The following CTNNA3 variants were observed in gnomAD, a reference collection of about 807,000 sequenced individuals.
CTNNA3 encodes the protein catenin alpha-3.
Under a neutral mutation model 95.7 loss-of-function variants are expected in CTNNA3, and 76 were observed. That is an observed-to-expected ratio of 0.79 (90% CI 0.66 to 0.96). CTNNA3 has a LOEUF of 0.96. Ranked by LOEUF, CTNNA3 falls within the 40% of genes least tolerant of loss-of-function variation. The pLI, the probability that CTNNA3 is intolerant of heterozygous loss-of-function variation, is 0.00. For synonymous variants in CTNNA3, 431 were observed against 374.4 expected, an observed-to-expected ratio of 1.15 and a Z score of -1.74; for missense variants, 1,191 against 1,089.8, an observed-to-expected ratio of 1.09 and a Z score of -1.31.
At chr10:66,354,902 G>A (rs2092597103) in intron 12 of CTNNA3, among the ~76,000 whole-genome samples, 1 of 152,060 alleles carries the variant, frequency 6.6e-6, no homozygotes, top group Non-Finnish European at 1.5e-5. Flanking sequence ...GTATAAAAAT[G>A]TTAGTTCTAG....
At chr10:66,522,106 T>A (rs80304141) in intron 10 of CTNNA3, among the ~76,000 whole-genome samples, 4 of 152,162 alleles carry the variant, frequency 2.6e-5, no homozygotes, top group Non-Finnish European at 5.9e-5. Context: ...AATATTTTTT[T>A]AATCACAAAT....
Position 66,144,581 on chromosome 10 carries a change from G to A in CTNNA3, c.1885-41332C>T, listed in dbSNP as rs138988424. ...CCGCTCACTGCAACCTCTGCTTCCC[G>A]GGTTCAAGTGATTCTCCTGCTTCAG... On this transcript the variant is annotated intron_variant, in intron 13 of 17. Transcript: ENST00000433211. 2.0e-3 allele frequency among the ~76,000 whole-genome samples: 307 copies of A among 152,004 alleles called. 1 individual carries two copies. Among genetic ancestry groups the A allele is most frequent in the African/African-American group, 6.5e-3 (270 of 41,472 alleles).
intron 1 of CTNNA3, among the ~76,000 whole-genome samples, chr10:67,682,158 CAAA>C (rs1042799163): frequency 6.8e-5 from 7 of 103,694 alleles, no homozygotes; most frequent in Admixed American, 2.0e-4. Flanking sequence ...AACCCCGTCT[CAAA>C]AAAAAAAAAA....
intron 11 of CTNNA3, among the ~76,000 whole-genome samples, chr10:66,425,325 T>C (rs1347468883): frequency 6.6e-6 from 1 of 151,976 alleles, no homozygotes. Flanking sequence ...TGAGTATGAT[T>C]ATTGAACATA....
chr10:66,525,068 A>AAAAGG (rs1841204910), intron 10 of CTNNA3, among the ~76,000 whole-genome samples: 1 of 152,000 alleles, frequency 6.6e-6, no homozygotes, highest in South Asian at 2.1e-4. Flanking sequence ...AAAAGAAAAG[A>AAAAGG]AAAGAAAGAA....
intron 2 of CTNNA3, among the ~76,000 whole-genome samples, chr10:67,618,705 G>A (rs959718285): frequency 2.0e-5 from 3 of 152,204 alleles, no homozygotes; most frequent in Admixed American, 1.3e-4. Flanking sequence ...GATTAGATTT[G>A]CAGGGCTGAA....
chr10:66,863,502 T>G (rs1043858330), intron 7 of CTNNA3, among the ~76,000 whole-genome samples: 1 of 151,988 alleles, frequency 6.6e-6, no homozygotes, highest in Non-Finnish European at 1.5e-5. Flanking sequence ...TCCATATATA[T>G]TTGAAGATTG....
chr10:66,435,380 G>T (rs952559004), intron 11 of CTNNA3, among the ~76,000 whole-genome samples: 23 of 152,066 alleles, frequency 1.5e-4, no homozygotes, highest in African/African-American at 5.6e-4. Flanking sequence ...TCTTGGGAGG[G>T]TGTATGTGTC....
At chr10:67,680,510 C>T (rs1488578678) in intron 1 of CTNNA3, among the ~76,000 whole-genome samples, 1 of 152,062 alleles carries the variant, frequency 6.6e-6, no homozygotes, top group Non-Finnish European at 1.5e-5. Context: ...AGTGTCCAGC[C>T]CAAAAGCACC....
intron 13 of CTNNA3, among the ~76,000 whole-genome samples, chr10:66,167,275 A>C (rs1319665009): frequency 6.6e-6 from 1 of 152,200 alleles, no homozygotes; most frequent in African/African-American, 2.4e-5. Flanking sequence ...GGAGGCAAAT[A>C]GAAAAAAAAT....
chr10:67,741,372 AT>A (rs1841337945), intron 1 of CTNNA3, among the ~76,000 whole-genome samples: 1 of 150,082 alleles, frequency 6.7e-6, no homozygotes, highest in African/African-American at 2.4e-5. Flanking sequence ...AAAGAAAAGA[AT>A]TTTCAACCCA....
intron 15 of CTNNA3, among the ~76,000 whole-genome samples, chr10:66,043,956 C>CTGTGTGTGTGTGTGTGTGTGTG (rs59559225): frequency 1.0e-4 from 15 of 144,362 alleles, no homozygotes; most frequent in Non-Finnish European, 2.0e-4. Flanking sequence ...TAGGACTATG[C>CTGTGTGTGTGTGTGTGTGTGTG]TGTGTGTGTG....
intron 9 of CTNNA3, among the ~76,000 whole-genome samples, chr10:66,644,405 T>G (rs1477861752): frequency 6.8e-6 from 1 of 147,914 alleles, no homozygotes; most frequent in East Asian, 1.9e-4. Context: ...ATATATATAT[T>G]TTGAGACCAA....
At chr10:67,615,873 A>G (rs1219834533) in intron 2 of CTNNA3, among the ~76,000 whole-genome samples, 3 of 152,244 alleles carry the variant, frequency 2.0e-5, no homozygotes, top group South Asian at 2.1e-4. Flanking sequence ...CATGTTGGCC[A>G]GGCTGGTCTC....
chr10:66,344,645 T>C (rs1349227602), intron 12 of CTNNA3, among the ~76,000 whole-genome samples: 1 of 152,142 alleles, frequency 6.6e-6, no homozygotes, highest in Admixed American at 6.5e-5. Flanking sequence ...TAAATAAACC[T>C]AAATTAGATA....
chr10:66,516,022 C>T (rs1036429534), intron 11 of CTNNA3, among the ~76,000 whole-genome samples: 3 of 142,350 alleles, frequency 2.1e-5, no homozygotes, highest in Admixed American at 7.5e-5. Context: ...CAAGATTGTG[C>T]CAATTCTCAT....
chr10:67,303,467 A>T (rs557260309), intron 5 of CTNNA3, among the ~76,000 whole-genome samples: 100 of 152,368 alleles, frequency 6.6e-4, no homozygotes, highest in African/African-American at 2.3e-3. Flanking sequence ...ATCTGAAGGA[A>T]CAAATAGAGG....
intron 9 of CTNNA3, among the ~76,000 whole-genome samples, chr10:66,649,455 C>T (rs944455702): frequency 4.6e-5 from 7 of 152,102 alleles, no homozygotes; most frequent in Non-Finnish European, 1.0e-4. Flanking sequence ...CCTGTGAAGC[C>T]GCTTCACAAA....
At chr10:66,126,261 C>T (rs1331202548) in intron 13 of CTNNA3, among the ~76,000 whole-genome samples, 1 of 152,094 alleles carries the variant, frequency 6.6e-6, no homozygotes, top group African/African-American at 2.4e-5. Flanking sequence ...TACTAGTGTA[C>T]TGAAATTAAA....
Sources: allele counts gnomAD v4.1 joint callset (sites outside exome capture counted in the v4.1 genomes callset), GRCh38; gene constraint gnomAD v4.1.1; transcripts MANE v1.5; gene names NCBI Gene and HGNC (gene_info 2026-07-23, HGNC 2026-07-21).